The following PDE1A variants were observed in gnomAD, a reference collection of about 807,000 sequenced individuals.
PDE1A encodes the protein dual specificity calcium/calmodulin-dependent 3',5'-cyclic nucleotide phosphodiesterase 1A.
In PDE1A, 35 loss-of-function variants were observed where a neutral mutation model predicts 61.7. The observed-to-expected ratio is 0.57, with a 90% CI of 0.43 to 0.75. The LOEUF is 0.75. Among genes scored for constraint, PDE1A ranks in the 30% least tolerant of loss-of-function variants. PDE1A has a pLI of 0.00. For missense variants in PDE1A, 597 were observed against 630.6 expected (o/e 0.95, Z 0.57); for synonymous variants, 232 against 213.2 (o/e 1.09, Z -0.77).
intron 1 of PDE1A, among the ~76,000 whole-genome samples, chr2:182,328,190 T>C (rs113176081): frequency 0.011 from 1,697 of 152,258 alleles, 25 homozygotes; most frequent in South Asian, 0.069. Context: ...TAAGAGAGTA[T>C]TTAAGCCTGT....
At chr2:182,187,957 G>C (rs1355238522) in intron 11 of PDE1A, among the ~76,000 whole-genome samples, 2 of 151,122 alleles carry the variant, frequency 1.3e-5, no homozygotes, top group Non-Finnish European at 3.0e-5. Flanking sequence ...TGTTAGCCAA[G>C]ATGGTCTTGA....
chr2:182,234,410 G>A (rs1189159545), intron 4 of PDE1A, 22 bp downstream of exon 4: 14 of 1,547,618 alleles, frequency 9.0e-6, no homozygotes, highest in East Asian at 2.3e-5. Context: ...TTTTATACAC[G>A]AAAATAATGA....
At chr2:182,331,909 G>A (rs1365522081) in intron 1 of PDE1A, among the ~76,000 whole-genome samples, 1 of 152,128 alleles carries the variant, frequency 6.6e-6, no homozygotes, top group African/African-American at 2.4e-5. Flanking sequence ...TGCTAGGTTG[G>A]GGAAGTTCTC....
chr2:182,421,326 T>C (rs1196770448), intron 1 of PDE1A, among the ~76,000 whole-genome samples: 1 of 152,152 alleles, frequency 6.6e-6, no homozygotes, highest in Admixed American at 6.5e-5. Context: ...ACGACATTTG[T>C]GTAGCTCCTG....
chr2:182,651,565 C>G, the PDE1A span, among the ~76,000 whole-genome samples: 2 of 152,146 alleles, frequency 1.3e-5, no homozygotes, highest in Non-Finnish European at 2.9e-5. Context: ...CCTACACATA[C>G]AAATTTATTC....
Position 182,380,347 on chromosome 2 carries a change from C to T in PDE1A, c.53+46231G>A, listed in dbSNP as rs537569832. ...CAGGATGGTCTCGATCTCCTGATCT[C>T]GTGATCCACCCGTCTCGGCCTCCCA... On this transcript the variant is annotated intron_variant, in intron 1 of 13. Coordinates refer to ENST00000351439, the Ensembl canonical transcript of PDE1A. Among the ~76,000 whole-genome samples the T allele has an allele frequency of 5.9e-5, 9 of 151,976 alleles. No homozygotes were observed. The South Asian group carries it at 1.7e-3, about 28-fold the overall frequency.
At chr2:182,194,385 T>C (rs778724365) in intron 10 of PDE1A, among the ~76,000 whole-genome samples, 1 of 152,292 alleles carries the variant, frequency 6.6e-6, no homozygotes, top group East Asian at 1.9e-4. Flanking sequence ...TTGGCTGATA[T>C]TGATCTCTCT....
chr2:182,242,126 A>G (rs976500249), intron 2 of PDE1A: 3 of 1,211,722 alleles, frequency 2.5e-6, no homozygotes, highest in East Asian at 3.5e-5. Flanking sequence ...TTGTCAGCTA[A>G]TCTCCTTAGA....
chr2:182,363,050 G>A (rs1407721242), intron 1 of PDE1A, among the ~76,000 whole-genome samples: 2 of 151,904 alleles, frequency 1.3e-5, no homozygotes, highest in African/African-American at 4.8e-5. Flanking sequence ...AACACACACT[G>A]GGGCCTATTG....
At chr2:182,519,600 CAAT>C (rs1690435707) in intron 2 of PDE1A, among the ~76,000 whole-genome samples, 1 of 151,556 alleles carries the variant, frequency 6.6e-6, no homozygotes, top group African/African-American at 2.4e-5. Context: ...AGAAGAAGCT[CAAT>C]AAAAGAAAAC....
chr2:182,211,637 T>A (rs1416607085), intron 7 of PDE1A, among the ~76,000 whole-genome samples: 2 of 152,224 alleles, frequency 1.3e-5, no homozygotes, highest in African/African-American at 4.8e-5. Flanking sequence ...TTTGAGTCTA[T>A]CTATGAACAT....
At chr2:182,298,044 G>A (rs1694999606) in intron 1 of PDE1A, among the ~76,000 whole-genome samples, 1 of 152,178 alleles carries the variant, frequency 6.6e-6, no homozygotes, top group Non-Finnish European at 1.5e-5. Flanking sequence ...TAGCAGAATT[G>A]GGTAACTTGT....
chr2:182,559,485 T>C, the PDE1A span, among the ~76,000 whole-genome samples: 4 of 152,162 alleles, frequency 2.6e-5, no homozygotes, highest in Admixed American at 1.3e-4. Flanking sequence ...ACAGTAAATG[T>C]TGACAAGGGT....
At chr2:182,604,235 T>C in the PDE1A span, among the ~76,000 whole-genome samples, 1 of 152,202 alleles carries the variant, frequency 6.6e-6, no homozygotes, top group Non-Finnish European at 1.5e-5. Context: ...TGCACTAAAA[T>C]AGATATTCCA....
chr2:182,269,650 G>A (rs573289097), intron 1 of PDE1A, among the ~76,000 whole-genome samples: 1 of 152,108 alleles, frequency 6.6e-6, no homozygotes. Context: ...TCATTGAGGA[G>A]GAGGAGTTCT....
chr2:182,476,136 CAATA>C (rs1163552694), intron 2 of PDE1A, among the ~76,000 whole-genome samples: 1 of 151,778 alleles, frequency 6.6e-6, no homozygotes, highest in Non-Finnish European at 1.5e-5. Flanking sequence ...AATATCACAA[CAATA>C]AATATGTATG....
At chr2:182,220,562 A>G (rs1441829806) in intron 7 of PDE1A, among the ~76,000 whole-genome samples, 3 of 152,122 alleles carry the variant, frequency 2.0e-5, no homozygotes, top group Admixed American at 2.0e-4. Flanking sequence ...TTGACTGCTA[A>G]GAAAAGAACA....
chr2:182,388,983 C>T (rs758401240), intron 1 of PDE1A, among the ~76,000 whole-genome samples: 1 of 152,024 alleles, frequency 6.6e-6, no homozygotes, highest in Non-Finnish European at 1.5e-5. Context: ...ACATACAATG[C>T]ATCATGAGAG....
chr2:182,363,702 C>G (rs1035714604), intron 1 of PDE1A, among the ~76,000 whole-genome samples: 1 of 152,016 alleles, frequency 6.6e-6, no homozygotes, highest in African/African-American at 2.4e-5. Context: ...TTGAATTCTC[C>G]AATACCATTT....
Sources: allele counts gnomAD v4.1 joint callset (sites outside exome capture counted in the v4.1 genomes callset), GRCh38; gene constraint gnomAD v4.1.1; transcripts MANE v1.5; gene names NCBI Gene and HGNC (gene_info 2026-07-23, HGNC 2026-07-21).